The following MAML2 variants were observed in gnomAD, a reference collection of about 807,000 sequenced individuals.
MAML2 encodes the protein mastermind-like protein 2.
MAML2 carries 22 observed loss-of-function variants against 96.1 expected under a neutral mutation model. That is an observed-to-expected ratio of 0.23 (90% CI 0.16 to 0.33). The LOEUF is 0.33. Among genes scored for constraint, MAML2 ranks in the 10% least tolerant of loss-of-function variants. The probability of loss-of-function intolerance (pLI) is 1.00; values close to 1 mark genes in which losing one functional copy is unlikely to be tolerated. For synonymous variants in MAML2, 561 were observed against 521.3 expected (o/e 1.08, Z -1.04); for missense variants, 1,367 against 1,392.4 (o/e 0.98, Z 0.29).
chr11:96,093,794 C>G (rs370157058), intron 1 of MAML2, among the ~76,000 whole-genome samples: 8 of 152,220 alleles, frequency 5.3e-5, no homozygotes, highest in East Asian at 1.9e-4. Context: ...TCAATGGATA[C>G]AGATTCCTTC....
chr11:96,241,069 GA>G (rs1862432653), intron 1 of MAML2, among the ~76,000 whole-genome samples: 2 of 152,208 alleles, frequency 1.3e-5, no homozygotes, highest in Non-Finnish European at 2.9e-5. Context: ...AGTGTCATCA[GA>G]AGATTCTGCA....
chr11:95,996,353 G>A (rs1205887590), intron 2 of MAML2, among the ~76,000 whole-genome samples: 2 of 152,166 alleles, frequency 1.3e-5, no homozygotes, highest in Admixed American at 6.6e-5. Flanking sequence ...AGATCTGCAT[G>A]CCAGGAAAAT....
intron 1 of MAML2, among the ~76,000 whole-genome samples, chr11:96,149,813 T>C (rs1860890985): frequency 1.3e-5 from 2 of 152,168 alleles, no homozygotes; most frequent in Admixed American, 1.3e-4. Flanking sequence ...TTTGTCTCCT[T>C]CTGTCTTCTC....
At chr11:96,273,794 A>G (rs1413108633) in intron 1 of MAML2, among the ~76,000 whole-genome samples, 1 of 152,192 alleles carries the variant, frequency 6.6e-6, no homozygotes, top group Non-Finnish European at 1.5e-5. Context: ...GTAAGGAGAT[A>G]GCCAGCCTCC....
chr11:96,086,243 A>G (rs761634261), intron 2 of MAML2, among the ~76,000 whole-genome samples: 3 of 152,198 alleles, frequency 2.0e-5, no homozygotes, highest in African/African-American at 4.8e-5. Flanking sequence ...GGCACATTGT[A>G]GGTGCTCAAT....
At chr11:96,028,543 C>T (rs1222800228) in intron 2 of MAML2, among the ~76,000 whole-genome samples, 1 of 152,194 alleles carries the variant, frequency 6.6e-6, no homozygotes, top group African/African-American at 2.4e-5. Flanking sequence ...AAGCCTATGA[C>T]TGTCTTTTCA....
At chr11:96,229,006 G>A (rs1418721902) in intron 1 of MAML2, among the ~76,000 whole-genome samples, 1 of 151,480 alleles carries the variant, frequency 6.6e-6, no homozygotes, top group Non-Finnish European at 1.5e-5. Context: ...CTCACCTCCT[G>A]AGGCATAGCT....
chr11:96,320,036 T>C (rs1200525418), intron 1 of MAML2, among the ~76,000 whole-genome samples: 1 of 152,238 alleles, frequency 6.6e-6, no homozygotes, highest in African/African-American at 2.4e-5. Context: ...CAGCTCATTC[T>C]GCAGAAGCTA....
At chr11:96,080,452 A>T (rs1859513185) in intron 2 of MAML2, among the ~76,000 whole-genome samples, 1 of 152,256 alleles carries the variant, frequency 6.6e-6, no homozygotes, top group South Asian at 2.1e-4. Context: ...GTAAGACTCA[A>T]ATTTAAACAT....
At chr11:96,107,242 C>T (rs759224757) in intron 1 of MAML2, among the ~76,000 whole-genome samples, 7 of 151,898 alleles carry the variant, frequency 4.6e-5, no homozygotes, top group Non-Finnish European at 8.8e-5. Flanking sequence ...GGTTAAGAGC[C>T]CAAGCTTTGG....
At chr11:96,246,991 A>T (rs1329496698) in intron 1 of MAML2, among the ~76,000 whole-genome samples, 1 of 152,116 alleles carries the variant, frequency 6.6e-6, no homozygotes, top group Non-Finnish European at 1.5e-5. Flanking sequence ...AAGAATAATT[A>T]TACAGAGAGG....
intron 1 of MAML2, among the ~76,000 whole-genome samples, chr11:96,141,274 T>G (rs1247389925): frequency 6.6e-6 from 1 of 152,220 alleles, no homozygotes; most frequent in Non-Finnish European, 1.5e-5. Context: ...TTACCAGATA[T>G]TTAATTTTAA....
intron 2 of MAML2, among the ~76,000 whole-genome samples, chr11:96,067,760 C>A (rs551088879): frequency 1.4e-4 from 21 of 152,274 alleles, no homozygotes; most frequent in African/African-American, 4.8e-4. Context: ...AACGCATATC[C>A]GTGACTGCCT....
chr11:96,113,916 G>C (rs1860179350), intron 1 of MAML2, among the ~76,000 whole-genome samples: 1 of 151,816 alleles, frequency 6.6e-6, no homozygotes, highest in East Asian at 1.9e-4. Flanking sequence ...AGAGAGTGTG[G>C]TTGAAAACAC....
At chr11:96,151,954 T>A (rs1000750275) in intron 1 of MAML2, among the ~76,000 whole-genome samples, 1 of 152,240 alleles carries the variant, frequency 6.6e-6, no homozygotes, top group Non-Finnish European at 1.5e-5. Context: ...TAGTGACTTA[T>A]GCCTGTAATC....
Position 95,979,118 on chromosome 11 carries a change from C to T in MAML2, c.3301G>A (p.Asp1101Asn). ...TCAAAAGCTAAGTCACTGCTGTGGT[C>T]AGTTCCTTGAAAAGCCCTGGAACTT... ...NQSSRAFQGT[D>N]HSSDLAFDFL... Residue 1101 changes from aspartate to asparagine, a missense_variant, in exon 5 of 5, where the codon GAC becomes AAC. Physicochemically the swap from Asp to Asn is conservative, Grantham distance 23. Transcript: ENST00000524717. The T allele has an allele frequency of 1.2e-6, 2 of 1,613,974 alleles. No homozygotes were observed. The highest frequency in any genetic ancestry group is 1.7e-6 in the Non-Finnish European group (2 of 1,179,890).
At chr11:96,293,499 G>A (rs531189959) in intron 1 of MAML2, among the ~76,000 whole-genome samples, 7 of 152,062 alleles carry the variant, frequency 4.6e-5, no homozygotes, top group Admixed American at 6.6e-5. Flanking sequence ...CTTTTTTGAT[G>A]CATATTAAGA....
chr11:96,110,895 C>A (rs555782233), intron 1 of MAML2, among the ~76,000 whole-genome samples: 1 of 152,138 alleles, frequency 6.6e-6, no homozygotes, highest in African/African-American at 2.4e-5. Flanking sequence ...TGGGTCTAAT[C>A]GCTTGTTAAA....
intron 1 of MAML2, among the ~76,000 whole-genome samples, chr11:96,135,923 CT>C (rs1336504979): frequency 6.6e-6 from 1 of 151,816 alleles, no homozygotes; most frequent in Non-Finnish European, 1.5e-5. Flanking sequence ...CAGCTAAGAG[CT>C]TGGGACACAG....
Sources: allele counts gnomAD v4.1 joint callset (sites outside exome capture counted in the v4.1 genomes callset), GRCh38; gene constraint gnomAD v4.1.1; transcripts MANE v1.5; gene names NCBI Gene and HGNC (gene_info 2026-07-23, HGNC 2026-07-21).